PHACTR2: variants seen among roughly 807,000 people sequenced by gnomAD.
The protein encoded by PHACTR2 is chromosome 6 open reading frame 56.
PHACTR2 carries 30 observed loss-of-function variants against 76.0 expected under a neutral mutation model. The observed-to-expected ratio is 0.39, with a 90% confidence interval of 0.30 to 0.54. The LOEUF (loss-of-function observed/expected upper bound fraction) is 0.54, where lower values mean the gene tolerates loss of function less well. PHACTR2 is among the 20% of genes least tolerant of loss of function. The probability of loss-of-function intolerance (pLI) is 0.61; values close to 1 mark genes in which losing one functional copy is unlikely to be tolerated. For missense variants in PHACTR2, 696 were observed against 781.1 expected, an observed-to-expected ratio of 0.89 and a Z score of 1.30; for synonymous variants, 292 against 292.5, an observed-to-expected ratio of 1.00 and a Z score of 0.02.
Position 143,777,458 on chromosome 6 carries a change from A to G in PHACTR2, c.1645+75A>G. The G allele has an allele frequency of 1.5e-6, 1 of 674,142 alleles. No homozygotes were observed. The highest frequency in any genetic ancestry group is 2.5e-6 in the Non-Finnish European group (1 of 403,192). 41.8% of individuals were successfully genotyped at this position (674,142 alleles called of 1,614,324 possible). A position where few individuals can be genotyped will look rare whatever the true frequency, so the allele number is the denominator to read the frequency against. ...TGCCTCTACAGATGATCGATTTATCAGTAAGAAACCATCATATATTCATTT... is the reference window on the plus strand; with the variant it reads ...TGCCTCTACAGATGATCGATTTATCGGTAAGAAACCATCATATATTCATTT... On this transcript the variant is annotated intron_variant, in intron 9 of 12. Coordinates refer to ENST00000440869, the MANE Select transcript of PHACTR2 (RefSeq NM_001100164.2). This position sits in a 1 kb window ranked among gnomAD's most constrained non-coding sequence, Gnocchi z 4.6.
At position 143,800,700 on chromosome 6, in the gene PHACTR2, A is replaced by C. The variant is rs1403753374; in HGVS notation, c.1846-6357A>C. On this transcript the variant is annotated intron_variant, in intron 11 of 12. Coordinates refer to ENST00000440869, the MANE Select transcript of PHACTR2 (RefSeq NM_001100164.2). The surrounding 1 kb of genome is among the most constrained non-coding windows in gnomAD (Gnocchi z 4.8). ...GGGGCATTTAGCCCATTTACATTTA[A>C]GGTTAATATTGTTATGTTTGAATTT... Among the ~76,000 whole-genome samples the C allele has an allele frequency of 1.3e-5, 2 of 152,170 alleles. No individual in the cohort carries two copies. Among genetic ancestry groups the C allele is most frequent in the African/African-American group, 4.8e-5 (2 of 41,432 alleles).
intron 1 of PHACTR2, 101 bp from the exon 2 acceptor site, chr6:143,711,915 G>A (rs1778183306): frequency 1.0e-6 from 1 of 972,670 alleles, no homozygotes; most frequent in Non-Finnish European, 1.7e-6. Flanking sequence ...TCCAATTAGA[G>A]TGGACGTGCT....
In PHACTR2 at chr6:143,819,467, T is replaced by C. The variant is rs1014900745; in HGVS notation, c.1923-4207T>C. On this transcript the variant is annotated intron_variant, in intron 12 of 12. Coordinates refer to ENST00000440869, the MANE Select transcript of PHACTR2 (RefSeq NM_001100164.2). The surrounding 1 kb of genome is among the most constrained non-coding windows in gnomAD (Gnocchi z 5.0). ...TATGAGAGGGGATTTATTAGGGCAA[T>C]TGGCTCACATGATAATGGATGCTGA... is the stretch of plus-strand genomic sequence containing the variant. 1.4e-4 allele frequency among the ~76,000 whole-genome samples: 22 copies of C among 152,100 alleles called. No homozygotes were observed. Among genetic ancestry groups the C allele is most frequent in the African/African-American group, 5.3e-4 (22 of 41,420 alleles).
chr6:143,771,158 G>GTATATATATATATATATATA (rs1341330418), intron 6 of PHACTR2, among the ~76,000 whole-genome samples: 3 of 14,566 alleles, frequency 2.1e-4, no homozygotes, highest in African/African-American at 4.6e-4. Context: ...ATATATATAT[G>GTATATATATATATATATATA]TATATATATA....
chr6:143,815,565 G>C (rs1305412240), intron 12 of PHACTR2, among the ~76,000 whole-genome samples: 1 of 152,164 alleles, frequency 6.6e-6, no homozygotes, highest in East Asian at 1.9e-4. Context: ...TTTTACCTTT[G>C]TGAGTAATTA....
chr6:143,716,576 C>A (rs1231049367), intron 2 of PHACTR2, among the ~76,000 whole-genome samples: 2 of 152,214 alleles, frequency 1.3e-5, no homozygotes, highest in Non-Finnish European at 2.9e-5. Context: ...CGGGCTCAAG[C>A]AATCTGCCCA....
Position 143,608,415 on chromosome 6 carries a change from G to C in PHACTR2, c.13+93G>C. 1 of 1,301,692 alleles carries C rather than the reference G, an allele frequency of 7.7e-7. No individual in the cohort carries two copies. 80.6% of individuals were successfully genotyped at this position (1,301,692 alleles called of 1,614,324 possible). A position where few individuals can be genotyped will look rare whatever the true frequency, so the allele number is the denominator to read the frequency against. On this transcript the variant is annotated intron_variant, in intron 1 of 11. Transcript: ENST00000305766. The surrounding 1 kb of genome is among the most constrained non-coding windows in gnomAD (Gnocchi z 4.6). ...GAAGGTTTGCCTATTTGTTGCTCTC[G>C]TTTTGCACTTAAATGTTCAAGACTG...
rs956046251 is a variant in PHACTR2, at chr6:143,730,050, A to C, written c.214+17867A>C. Among the ~76,000 whole-genome samples the C allele has an allele frequency of 6.2e-4, 94 of 152,186 alleles. 1 individual carries two copies. The highest frequency in any genetic ancestry group is 1.1e-3 in the Non-Finnish European group (72 of 68,004). ...GTGTCTATTCTTTCACCAATATCACACTATCTTGATTATTATAGCTTTATA... is the reference window on the plus strand; with the variant it reads ...GTGTCTATTCTTTCACCAATATCACCCTATCTTGATTATTATAGCTTTATA... On this transcript the variant is annotated intron_variant, in intron 2 of 12. Transcript: ENST00000440869. This position sits in a 1 kb window ranked among gnomAD's most constrained non-coding sequence, Gnocchi z 4.8.
At chr6:143,579,225 T>A (rs995700180) in intron 1 of PHACTR2, among the ~76,000 whole-genome samples, 1 of 152,122 alleles carries the variant, frequency 6.6e-6, no homozygotes, top group Non-Finnish European at 1.5e-5. Flanking sequence ...TTTTTTCTTA[T>A]TGTAACATAG....
At position 143,680,099 on chromosome 6, in the gene PHACTR2, A is replaced by C. The variant is rs1040110512; in HGVS notation, c.46+1890A>C. 6.6e-6 allele frequency among the ~76,000 whole-genome samples: 1 copy of C among 151,978 alleles called. No individual in the cohort carries two copies. The highest frequency in any genetic ancestry group is 1.5e-5 in the Non-Finnish European group (1 of 67,976). On this transcript the variant is annotated intron_variant, in intron 1 of 12. Transcript: ENST00000440869. The surrounding 1 kb of genome is among the most constrained non-coding windows in gnomAD (Gnocchi z 4.5). Reference sequence around the variant, plus strand: ...TATCCAGTGTCTCTAAATCCGTTAGAGCTACCCTGTTTCCCTGAAGGTTTG... The same window carrying C: ...TATCCAGTGTCTCTAAATCCGTTAGCGCTACCCTGTTTCCCTGAAGGTTTG...
intron 2 of PHACTR2, among the ~76,000 whole-genome samples, chr6:143,724,440 T>C (rs540428931): frequency 8.8e-4 from 134 of 152,306 alleles, no homozygotes; most frequent in Non-Finnish European, 1.5e-3. Context: ...CCTAATTCTT[T>C]CATTTTTTTC....
At chr6:143,788,691 G>A in intron 10 of PHACTR2, 82 bp from the exon 11 acceptor site, 1 of 830,232 alleles carries the variant, frequency 1.2e-6, no homozygotes. Context: ...CCATAACTTT[G>A]AAGTGTTCTC....
intron 1 of PHACTR2, among the ~76,000 whole-genome samples, chr6:143,575,068 G>A (rs9390113): frequency 0.61 from 93,271 of 151,960 alleles, 28,956 homozygotes; most frequent in Middle Eastern, 0.72. Flanking sequence ...ATTAAGAGAT[G>A]ATAAACAAAA....
chr6:143,666,267 C>G (rs879167482), intron 1 of PHACTR2, among the ~76,000 whole-genome samples: 1 of 152,142 alleles, frequency 6.6e-6, no homozygotes, highest in Non-Finnish European at 1.5e-5. Flanking sequence ...CTTCTTTATC[C>G]AGTCTATCAT....
rs1777770522 is a variant in PHACTR2 at position 143,696,425 on chromosome 6, C to A, written c.47-15591C>A. Among the ~76,000 whole-genome samples the A allele has an allele frequency of 6.6e-6, 1 of 152,128 alleles. No individual in the cohort carries two copies. Among genetic ancestry groups the A allele is most frequent in the Non-Finnish European group, 1.5e-5 (1 of 68,012 alleles). On this transcript the variant is annotated intron_variant, in intron 1 of 12. Coordinates refer to ENST00000440869, the MANE Select transcript of PHACTR2 (RefSeq NM_001100164.2). This position sits in a 1 kb window ranked among gnomAD's most constrained non-coding sequence, Gnocchi z 4.1. ...CTCCAAATCATAAATAACCCACTCT[C>A]CATTTTTATTCCCCACAAAACCTCT...
chr6:143,696,278 G>T lies in PHACTR2; in HGVS notation c.47-15738G>T, dbSNP rs1395942545. 6.6e-6 allele frequency among the ~76,000 whole-genome samples: 1 copy of T among 152,212 alleles called. No homozygotes were observed. Among genetic ancestry groups the T allele is most frequent in the Non-Finnish European group, 1.5e-5 (1 of 68,046 alleles). ...AATTATCTTGAGACCAACGGAGAAT[G>T]CAGGTAACTGTTTTGGGTGGGTATA... On this transcript the variant is annotated intron_variant, in intron 1 of 12. Coordinates refer to ENST00000440869, the MANE Select transcript of PHACTR2 (RefSeq NM_001100164.2). This position sits in a 1 kb window ranked among gnomAD's most constrained non-coding sequence, Gnocchi z 4.1.
In PHACTR2 at chr6:143,753,761, T is replaced by C. The variant is rs1395657422; in HGVS notation, c.303T>C (p.Asp101=). 1 of 1,594,524 alleles carries C rather than the reference T, an allele frequency of 6.3e-7. No individual in the cohort carries two copies. The highest frequency in any genetic ancestry group is 1.2e-5 in the South Asian group (1 of 86,916). The change falls in exon 4 of 13, where the codon GAT becomes GAC. Residue 101 remains aspartate, a synonymous_variant. Transcript: ENST00000440869. The surrounding 1 kb of genome is among the most constrained non-coding windows in gnomAD (Gnocchi z 4.6). ...GTTTCTTTCCCATTTTAGATGGAGA[T>C]GTAACAGTTAACTTTGAAAATTCAA... The part of the protein sequence containing the change: ...VLKELPDQDG[D]VTVNFENSNG...
chr6:143,674,220 C>T (rs1777203599), upstream of PHACTR2, among the ~76,000 whole-genome samples: 1 of 151,924 alleles, frequency 6.6e-6, no homozygotes, highest in South Asian at 2.1e-4. The surrounding 1 kb of genome is among the most constrained non-coding windows in gnomAD (Gnocchi z 4.9). Context: ...TAGTAAAGCT[C>T]CCATTTGCTT....
chr6:143,592,904 C>T lies in PHACTR2; in HGVS notation c.217+55697C>T, dbSNP rs1012416378. Among the ~76,000 whole-genome samples the T allele has an allele frequency of 1.6e-4, 24 of 151,670 alleles. No homozygotes were observed. The highest frequency in any genetic ancestry group is 5.1e-4 in the African/African-American group (21 of 41,254). ...TCTACAAAAAATAAAAAAAAATAGC[C>T]GGACATGGTGACACACATCCCAGCT... is the stretch of plus-strand genomic sequence containing the variant. On this transcript the variant is annotated intron_variant, in intron 1 of 11. Transcript: ENST00000367584. The surrounding 1 kb of genome is among the most constrained non-coding windows in gnomAD (Gnocchi z 4.0).
Sources: allele counts gnomAD v4.1 joint callset (sites outside exome capture counted in the v4.1 genomes callset), GRCh38; gene constraint gnomAD v4.1.1; non-coding constraint Gnocchi (gnomAD v3.1); transcripts MANE v1.5; gene names NCBI Gene and HGNC (gene_info 2026-07-23, HGNC 2026-07-21).